KPNB1: variants seen among roughly 807,000 people sequenced by gnomAD.
KPNB1 encodes the protein importin subunit beta-1.
KPNB1 carries 7 observed loss-of-function variants against 113.0 expected under a neutral mutation model. The observed-to-expected ratio is 0.06, with a 90% CI of 0.04 to 0.12. The LOEUF (loss-of-function observed/expected upper bound fraction) is 0.12, where lower values mean the gene tolerates loss of function less well. KPNB1 is among the 10% of genes least tolerant of loss of function. The pLI is 1.00. For synonymous variants in KPNB1, 363 were observed against 378.6 expected (o/e 0.96, Z 0.48); for missense variants, 400 against 1,054.8 (o/e 0.38, Z 8.60).
In KPNB1 at chr17:47,685,211, G is replaced by A. The variant is rs2030906902; in HGVS notation, c.*2807G>A. The A allele has an allele frequency of 6.6e-6, 1 of 152,208 alleles. No individual in the cohort carries two copies. The highest frequency in any genetic ancestry group is 6.5e-5 in the Admixed American group (1 of 15,282). 9.4% of individuals were successfully genotyped at this position (152,208 alleles called of 1,614,324 possible). On this transcript the variant is annotated 3_prime_UTR_variant, in exon 22 of 22. Transcript: ENST00000290158. ...ATTGCCTTAGGGACTTGTGGAGAAG[G>A]GGAATTGCTCAGTGTAGTGTTTTAA...
chr17:47,682,091 A>C (rs2030802739), intron 21 of KPNB1, among the ~76,000 whole-genome samples: 1 of 152,170 alleles, frequency 6.6e-6, no homozygotes, highest in Non-Finnish European at 1.5e-5. Flanking sequence ...GGCCTCCCAA[A>C]GTGCTGAGAT....
Position 47,684,566 on chromosome 17 carries a change from GAA to G in KPNB1, c.*2169_*2170del. On this transcript the variant is annotated 3_prime_UTR_variant, in exon 22 of 22. Transcript: ENST00000290158. ...GGAGGGGGCAGAAATATTGGGGATA[GAA>G]AAAAAATCTGATCATTCCTCAGTGC... 1 of 152,438 alleles carries G rather than the reference GAA, an allele frequency of 6.6e-6. No homozygotes were observed. Among genetic ancestry groups the G allele is most frequent in the Admixed American group, 6.5e-5 (1 of 15,280 alleles). The allele number at this position is 152,438 out of a possible 1,614,324, so 9.4% of individuals were successfully genotyped here.
intron 19 of KPNB1, among the ~76,000 whole-genome samples, chr17:47,679,700 T>G (rs2030714106): frequency 6.6e-6 from 1 of 151,972 alleles, no homozygotes; most frequent in Non-Finnish European, 1.5e-5. Flanking sequence ...TCTCTTTTTT[T>G]TTTCTTTTTT....
intron 12 of KPNB1, 92 bp from the exon 13 acceptor site, chr17:47,672,926 T>A (rs1567893494): frequency 1.2e-5 from 15 of 1,218,874 alleles, no homozygotes; most frequent in Non-Finnish European, 1.7e-5. Flanking sequence ...GACATACCGG[T>A]TCCTGAGTTC....
chr17:47,672,968 C>T (rs2143156373), intron 12 of KPNB1, 50 bp from the exon 13 acceptor site: 2 of 1,571,746 alleles, frequency 1.3e-6, no homozygotes, highest in African/African-American at 1.4e-5. Context: ...CTATGTTCTT[C>T]CCTGTCCTTT....
chr17:47,675,701 A>G (rs1013483702), intron 15 of KPNB1, among the ~76,000 whole-genome samples: 2 of 152,060 alleles, frequency 1.3e-5, no homozygotes, highest in African/African-American at 4.8e-5. Flanking sequence ...TGACTGCAAA[A>G]TTGGTTTGGG....
intron 17 of KPNB1, among the ~76,000 whole-genome samples, chr17:47,677,394 C>T (rs780061089): frequency 6.6e-6 from 1 of 150,934 alleles, no homozygotes; most frequent in Non-Finnish European, 1.5e-5. Flanking sequence ...ATCGCTTGTA[C>T]CCGGGAGGTG....
Position 47,656,918 on chromosome 17 carries a change from C to A in KPNB1, c.341C>A (p.Ala114Asp). The A allele has an allele frequency of 6.2e-7, 1 of 1,614,104 alleles. No homozygotes were observed. Among genetic ancestry groups the A allele is most frequent in the Non-Finnish European group, 8.5e-7 (1 of 1,180,030 alleles). The change falls in exon 4 of 22, where the codon GCT becomes GAT. Residue 114 changes from alanine to aspartate, a missense_variant. By Grantham distance (126) the Ala-to-Asp change is moderately radical. Around this residue, in one of 2 missense-constraint regions of KPNB1, gnomAD observed 285 missense variants for 627.0 expected, o/e 0.45. Transcript: ENST00000290158. ...YRPSSASQCV[A>D]GIACAEIPVN... Reference sequence around the variant, plus strand: ...CCTAGTTCTGCCTCACAGTGTGTGGCTGGTATTGCTTGTGCAGAGATCCCA... The same window carrying A: ...CCTAGTTCTGCCTCACAGTGTGTGGATGGTATTGCTTGTGCAGAGATCCCA...
chr17:47,676,959 A>T, intron 16 of KPNB1, 61 bp from the exon 17 acceptor site: 1 of 1,297,304 alleles, frequency 7.7e-7, no homozygotes, highest in Non-Finnish European at 1.1e-6. Context: ...AGTTAAAAAT[A>T]ATATCTTGCC....
At chr17:47,655,019 G>A (rs1038798042) in intron 3 of KPNB1, among the ~76,000 whole-genome samples, 20 of 152,118 alleles carry the variant, frequency 1.3e-4, no homozygotes, top group Non-Finnish European at 2.8e-4. Context: ...GGCCAGGGAT[G>A]ATGATATACC....
At chr17:47,659,863 A>T (rs1254868767) in intron 5 of KPNB1, among the ~76,000 whole-genome samples, 1 of 151,824 alleles carries the variant, frequency 6.6e-6, no homozygotes, top group Non-Finnish European at 1.5e-5. Flanking sequence ...TCACCACTGT[A>T]CTTCAGCCTG....
intron 19 of KPNB1, 157 bp from the exon 20 acceptor site, chr17:47,679,863 A>T (rs911699117): frequency 3.7e-6 from 2 of 534,006 alleles, no homozygotes; most frequent in Non-Finnish European, 6.8e-6. Context: ...CGCCCGGCTA[A>T]TTTTTTTGTA....
chr17:47,672,729 T>C (rs979789751), intron 12 of KPNB1, among the ~76,000 whole-genome samples: 4 of 152,248 alleles, frequency 2.6e-5, no homozygotes, highest in Non-Finnish European at 5.9e-5. Context: ...TCAGACAACC[T>C]GTTAAATTGT....
At chr17:47,663,436 G>A (rs958254053) in intron 7 of KPNB1, among the ~76,000 whole-genome samples, 5 of 152,130 alleles carry the variant, frequency 3.3e-5, no homozygotes, top group African/African-American at 1.2e-4. Flanking sequence ...GGCTGAGGTG[G>A]GCAGATCACC....
intron 8 of KPNB1, 104 bp from the exon 9 acceptor site, chr17:47,664,953 A>ATGTTTC (rs2030222657): frequency 1.2e-6 from 1 of 821,794 alleles, no homozygotes; most frequent in East Asian, 2.5e-5. Context: ...TTGTCCTTGT[A>ATGTTTC]TGTTTCTGTT....
At chr17:47,668,154 A>G in intron 9 of KPNB1, 32 bp from the exon 10 acceptor site, 1 of 1,577,134 alleles carries the variant, frequency 6.3e-7, no homozygotes, top group Non-Finnish European at 8.7e-7. Flanking sequence ...TCTTTGGACA[A>G]AATCTTAACT....
intron 8 of KPNB1, 124 bp from the exon 9 acceptor site, chr17:47,664,933 A>G (rs1291162713): frequency 5.5e-6 from 4 of 724,452 alleles, no homozygotes; most frequent in East Asian, 2.6e-5. Context: ...ATCACATTGT[A>G]TGTTACCATT....
chr17:47,650,153 C>A lies in KPNB1; in HGVS notation c.-92C>A. 1 of 760,450 alleles carries A rather than the reference C, an allele frequency of 1.3e-6. No individual in the cohort carries two copies. Among genetic ancestry groups the A allele is most frequent in the Non-Finnish European group, 1.7e-6 (1 of 585,910 alleles). 47.1% of individuals were successfully genotyped at this position (760,450 alleles called of 1,614,324 possible). ...CCCCCCACCCCACCCTCCCTTCCCACCCGACCCCCAACCCCCATCCCCAGT... is the reference window on the plus strand; with the variant it reads ...CCCCCCACCCCACCCTCCCTTCCCAACCGACCCCCAACCCCCATCCCCAGT... On this transcript the variant is annotated 5_prime_UTR_variant, in exon 1 of 22. Coordinates refer to ENST00000290158, the MANE Select transcript of KPNB1 (RefSeq NM_002265.6).
intron 21 of KPNB1, among the ~76,000 whole-genome samples, chr17:47,681,686 GTT>G (rs59222945): frequency 0.31 from 29,376 of 94,466 alleles, 1,077 homozygotes; most frequent in Middle Eastern, 0.34. Flanking sequence ...GGAATTATAG[GTT>G]TTTTTTTTTT....
Sources: allele counts gnomAD v4.1 joint callset (sites outside exome capture counted in the v4.1 genomes callset), GRCh38; gene constraint gnomAD v4.1.1; regional missense constraint gnomAD v4.1.1; transcripts MANE v1.5; gene names NCBI Gene and HGNC (gene_info 2026-07-23, HGNC 2026-07-21).